Variants in NCOA2 observed in about 807,000 individuals in gnomAD.
NCOA2 encodes class E basic helix-loop-helix protein 75.
A neutral mutation model predicts 145.1 loss-of-function variants in NCOA2; 21 were observed. That is an observed-to-expected ratio of 0.14 (90% CI 0.10 to 0.21). The LOEUF (loss-of-function observed/expected upper bound fraction) is 0.21, where lower values mean the gene tolerates loss of function less well. NCOA2 is among the 10% of genes least tolerant of loss of function. NCOA2 has a pLI of 1.00. For missense variants in NCOA2, 1,472 were observed against 1,837.6 expected (o/e 0.80, Z 3.64); for synonymous variants, 619 against 637.5 (o/e 0.97, Z 0.44).
intron 2 of NCOA2, among the ~76,000 whole-genome samples, chr8:70,274,165 A>G (rs1825289804): frequency 6.6e-6 from 1 of 151,700 alleles, no homozygotes; most frequent in Non-Finnish European, 1.5e-5. Context: ...AGTAAATCAC[A>G]GTGTAGTGTA....
At chr8:70,369,702 G>A (rs1274353939) in intron 1 of NCOA2, among the ~76,000 whole-genome samples, 3 of 152,054 alleles carry the variant, frequency 2.0e-5, no homozygotes, top group Non-Finnish European at 4.4e-5. Context: ...GGGCTGACAG[G>A]GGATGCTATT....
intron 2 of NCOA2, among the ~76,000 whole-genome samples, chr8:70,273,160 T>A (rs1825187133): frequency 6.6e-6 from 1 of 152,166 alleles, no homozygotes; most frequent in Admixed American, 6.5e-5. Flanking sequence ...TATAATTTTT[T>A]AAATGATGAT....
chr8:70,255,984 T>C, intron 2 of NCOA2, among the ~76,000 whole-genome samples: 1 of 152,228 alleles, frequency 6.6e-6, no homozygotes, highest in East Asian at 1.9e-4. Context: ...CTGTTTTGGA[T>C]GTGAATAAAG....
chr8:70,239,007 G>C (rs550251130), intron 2 of NCOA2, among the ~76,000 whole-genome samples: 2 of 151,984 alleles, frequency 1.3e-5, no homozygotes, highest in African/African-American at 4.8e-5. Flanking sequence ...CTCTTACTTT[G>C]GTGTGTTCTG....
chr8:70,436,581 A>T, the NCOA2 span, among the ~76,000 whole-genome samples: 1 of 152,202 alleles, frequency 6.6e-6, no homozygotes, highest in East Asian at 1.9e-4. Context: ...CACACATTTC[A>T]TAGTTTACCT....
chr8:70,113,471 C>T lies in NCOA2; in HGVS notation c.*161G>A, dbSNP rs373048452. The T allele has an allele frequency of 9.9e-6, 7 of 708,410 alleles. No homozygotes were observed. Among genetic ancestry groups the T allele is most frequent in the Middle Eastern group, 2.7e-4 (1 of 3,644 alleles). The allele number at this position is 708,410 out of a possible 1,614,324, so 43.9% of individuals were successfully genotyped here. ...AAGAGGCAGCTCCTCCTGCCACAGC[C>T]GAGTGGACGCCACCCTGGGAACCAG... On this transcript the variant is annotated 3_prime_UTR_variant, in exon 23 of 23. Transcript: ENST00000452400.
chr8:70,179,794 A>T (rs1815272355), intron 4 of NCOA2, among the ~76,000 whole-genome samples: 1 of 152,228 alleles, frequency 6.6e-6, no homozygotes, highest in African/African-American at 2.4e-5. Flanking sequence ...ATGAAATCTC[A>T]TTATTACAGA....
intron 2 of NCOA2, among the ~76,000 whole-genome samples, chr8:70,223,208 T>G (rs960865185): frequency 6.6e-6 from 1 of 152,210 alleles, no homozygotes; most frequent in Non-Finnish European, 1.5e-5. Flanking sequence ...GACTACAATG[T>G]AGCACTTGTG....
rs201351984 is a variant in NCOA2 at position 70,124,005 on chromosome 8, T to A, written c.4172A>T (p.Asn1391Ile). The A allele has an allele frequency of 8.7e-6, 14 of 1,613,974 alleles. No homozygotes were observed. Among genetic ancestry groups the A allele is most frequent in the Middle Eastern group, 1.6e-4 (1 of 6,062 alleles). The change falls in exon 21 of 23, where the codon AAT (asparagine) becomes ATT (isoleucine). Residue 1391 changes from asparagine (N) to isoleucine (I), a missense_variant. By Grantham distance (149) the Asn-to-Ile change is moderately radical (BLOSUM62 -3). This residue lies in a region of NCOA2 where 232 missense variants were observed against 290.6 expected (regional missense o/e 0.80). Coordinates refer to ENST00000452400, the MANE Select transcript of NCOA2 (RefSeq NM_006540.4). ...ACCTGTGTTGGTCGCCATGGACACA[T>A]TGATGTTCATGTTGTTACTGTACAT... is the stretch of plus-strand genomic sequence containing the variant. ...TSMYSNNMNINVSMATNTGGM... is the reference protein window; with the variant it reads ...TSMYSNNMNIIVSMATNTGGM...
intron 11 of NCOA2, among the ~76,000 whole-genome samples, chr8:70,150,775 T>A (rs762951330): frequency 2.0e-5 from 3 of 152,232 alleles, no homozygotes; most frequent in Non-Finnish European, 4.4e-5. Context: ...TGCCTAGAAC[T>A]AAGTAATGGG....
chr8:70,292,848 A>T (rs2135690944), intron 2 of NCOA2, among the ~76,000 whole-genome samples: 1 of 152,330 alleles, frequency 6.6e-6, no homozygotes, highest in African/African-American at 2.4e-5. Flanking sequence ...ACAAGAAAAG[A>T]GTAAACTGCC....
At chr8:70,174,210 T>C (rs190586685) in intron 5 of NCOA2, among the ~76,000 whole-genome samples, 4 of 152,334 alleles carry the variant, frequency 2.6e-5, no homozygotes, top group African/African-American at 9.6e-5. Context: ...TAGCTGGTCA[T>C]AAAGCTTCCT....
intron 1 of NCOA2, among the ~76,000 whole-genome samples, chr8:70,310,959 T>C (rs1033090001): frequency 1.8e-4 from 27 of 152,200 alleles, no homozygotes; most frequent in Admixed American, 1.6e-3. Flanking sequence ...AAAGAAAATG[T>C]CTGATATCAC....
chr8:70,287,484 C>CT, intron 2 of NCOA2, among the ~76,000 whole-genome samples: 1 of 152,180 alleles, frequency 6.6e-6, no homozygotes, highest in East Asian at 1.9e-4. Context: ...TTCTAAATTA[C>CT]TTTTTAAGAA....
At chr8:70,325,769 T>C (rs1434169448) in intron 1 of NCOA2, among the ~76,000 whole-genome samples, 1 of 152,238 alleles carries the variant, frequency 6.6e-6, no homozygotes, top group Admixed American at 6.5e-5. Context: ...CTGTTCTTTA[T>C]CGAGGCTAAA....
chr8:70,382,506 A>G (rs962537267), intron 1 of NCOA2, among the ~76,000 whole-genome samples: 2 of 152,198 alleles, frequency 1.3e-5, no homozygotes, highest in African/African-American at 2.4e-5. Context: ...GAAAGTTTGA[A>G]TATCTGTTGC....
intron 1 of NCOA2, among the ~76,000 whole-genome samples, chr8:70,323,437 G>C (rs1225820506): frequency 6.6e-6 from 1 of 152,150 alleles, no homozygotes; most frequent in East Asian, 1.9e-4. Flanking sequence ...ACGAACACAG[G>C]ATGAAACATA....
In NCOA2 at chr8:70,282,950, G is replaced by A. The variant is rs116232983; in HGVS notation, c.-20+13794C>T. Among the ~76,000 whole-genome samples, 1,411 of 152,308 alleles carry A rather than the reference G, an allele frequency of 9.3e-3. 21 individuals carry two copies. Among genetic ancestry groups the A allele is most frequent in the African/African-American group, 0.032 (1,314 of 41,570 alleles). On this transcript the variant is annotated intron_variant, in intron 2 of 22. Coordinates refer to ENST00000452400, the MANE Select transcript of NCOA2 (RefSeq NM_006540.4). ...TGCATGTGAGCACACATATGAATGAGTGTGTCTGTTCACAAAAACTGAATT... is the reference window on the plus strand; with the variant it reads ...TGCATGTGAGCACACATATGAATGAATGTGTCTGTTCACAAAAACTGAATT...
chr8:70,383,531 G>A (rs1390868940), intron 1 of NCOA2, among the ~76,000 whole-genome samples: 2 of 152,112 alleles, frequency 1.3e-5, no homozygotes, highest in Non-Finnish European at 2.9e-5. Context: ...CTGAGACAGA[G>A]TTTCGCTCTT....
Sources: allele counts gnomAD v4.1 joint callset (sites outside exome capture counted in the v4.1 genomes callset), GRCh38; gene constraint gnomAD v4.1.1; regional missense constraint gnomAD v4.1.1; transcripts MANE v1.5; gene names NCBI Gene and HGNC (gene_info 2026-07-23, HGNC 2026-07-21).